Variants in AFF3 observed in about 807,000 individuals in gnomAD.
The protein encoded by AFF3 is ALF transcription elongation factor 3, also known as AF4/FMR2 family member 3.
A neutral mutation model predicts 129.7 loss-of-function variants in AFF3; 32 were observed. The observed-to-expected ratio is 0.25, with a 90% CI of 0.19 to 0.33. The LOEUF (loss-of-function observed/expected upper bound fraction) is 0.33. Among genes scored for constraint, AFF3 ranks in the 10% least tolerant of loss-of-function variants. The pLI is 1.00. For missense variants in AFF3, 1,373 were observed against 1,592.0 expected (o/e 0.86, Z 2.34); for synonymous variants, 644 against 635.4 (o/e 1.01, Z -0.20).
intron 8 of AFF3, among the ~76,000 whole-genome samples, chr2:99,784,889 C>T (rs1055679884): frequency 2.0e-5 from 3 of 152,126 alleles, no homozygotes; most frequent in Non-Finnish European, 2.9e-5. Flanking sequence ...TCATGATAAC[C>T]TGATCAGGAG....
intron 9 of AFF3, among the ~76,000 whole-genome samples, chr2:99,746,649 A>C (rs1025854158): frequency 6.6e-6 from 1 of 152,238 alleles, no homozygotes; most frequent in Admixed American, 6.5e-5. Context: ...AATGGACTAA[A>C]ATATCATCTG....
At chr2:99,585,326 C>A (rs1677989157) in intron 16 of AFF3, among the ~76,000 whole-genome samples, 1 of 152,170 alleles carries the variant, frequency 6.6e-6, no homozygotes. Context: ...AAGAAACTTT[C>A]TTTGGAGCTC....
In AFF3 at chr2:100,105,399, C is replaced by T. The variant is rs1011048912; in HGVS notation, c.-65+105G>A. ...AGCGGCGGCGCGGAGGAAACCTCTT[C>T]CACCCGGACCTGCTCTCCGTTGCGG... On this transcript the variant is annotated intron_variant, in intron 3 of 24. Transcript: ENST00000672756. The T allele has an allele frequency of 1.0e-5, 13 of 1,296,488 alleles. No homozygotes were observed. The African/African-American group carries it at 2.0e-4, about 20-fold the overall frequency. The allele number at this position is 1,296,488 out of a possible 1,614,324, so 80.3% of individuals were successfully genotyped here.
chr2:99,715,217 T>A (rs1678267437), intron 11 of AFF3, among the ~76,000 whole-genome samples: 1 of 152,234 alleles, frequency 6.6e-6, no homozygotes, highest in Non-Finnish European at 1.5e-5. Context: ...CAGCCCTAGC[T>A]TCATGAGATC....
At chr2:99,613,128 G>A (rs901470299) in intron 13 of AFF3, among the ~76,000 whole-genome samples, 3 of 152,138 alleles carry the variant, frequency 2.0e-5, no homozygotes, top group Admixed American at 6.5e-5. Context: ...TAGCTTGCTC[G>A]CATTTTATTT....
intron 4 of AFF3, among the ~76,000 whole-genome samples, chr2:100,010,452 TGCA>T (rs987198074): frequency 6.6e-6 from 1 of 152,232 alleles, no homozygotes; most frequent in African/African-American, 2.4e-5. Flanking sequence ...GCAAGGCTGC[TGCA>T]GCACCTAAGG....
intron 4 of AFF3, among the ~76,000 whole-genome samples, chr2:100,066,170 T>C (rs563373652): frequency 1.3e-5 from 2 of 152,228 alleles, no homozygotes; most frequent in Admixed American, 1.3e-4. Context: ...AGAAACTCTA[T>C]GCAATTTGTT....
intron 11 of AFF3, among the ~76,000 whole-genome samples, chr2:99,712,509 A>G (rs76252191): frequency 0.015 from 2,245 of 152,368 alleles, 26 homozygotes; most frequent in Non-Finnish European, 0.019. Context: ...GGCACAAAGC[A>G]TCTCAGAAGT....
intron 7 of AFF3, among the ~76,000 whole-genome samples, chr2:99,903,159 C>T (rs1289490962): frequency 2.6e-5 from 4 of 152,042 alleles, no homozygotes; most frequent in Non-Finnish European, 2.9e-5. Flanking sequence ...TAGATGCTAC[C>T]AGTATAAGAC....
intron 9 of AFF3, among the ~76,000 whole-genome samples, chr2:99,749,647 A>G (rs1469608035): frequency 1.3e-5 from 2 of 152,150 alleles, no homozygotes; most frequent in South Asian, 2.1e-4. Flanking sequence ...ATTCCCCTGT[A>G]CTCAATGGAA....
intron 4 of AFF3, among the ~76,000 whole-genome samples, chr2:100,076,765 A>C (rs1688621778): frequency 6.6e-6 from 1 of 152,196 alleles, no homozygotes; most frequent in South Asian, 2.1e-4. Flanking sequence ...TAATTATAAA[A>C]ATGATTTAAT....
At chr2:99,754,922 G>A (rs1681963468) in intron 8 of AFF3, among the ~76,000 whole-genome samples, 2 of 152,136 alleles carry the variant, frequency 1.3e-5, no homozygotes, top group Non-Finnish European at 2.9e-5. Context: ...TGAAAGTTAG[G>A]GTATCGGCTC....
At chr2:99,733,901 T>C (rs1166215777) in intron 10 of AFF3, among the ~76,000 whole-genome samples, 3 of 152,238 alleles carry the variant, frequency 2.0e-5, no homozygotes, top group Non-Finnish European at 4.4e-5. Flanking sequence ...ATCTTGGCTA[T>C]TCTTAGCCCT....
chr2:99,750,833 T>G (rs1468271485), intron 9 of AFF3, among the ~76,000 whole-genome samples: 1 of 152,190 alleles, frequency 6.6e-6, no homozygotes, highest in Non-Finnish European at 1.5e-5. Context: ...TCTAACAGTG[T>G]TTGTAATAAT....
chr2:100,048,181 C>T (rs547307071), intron 4 of AFF3, among the ~76,000 whole-genome samples: 2 of 152,230 alleles, frequency 1.3e-5, no homozygotes, highest in South Asian at 2.1e-4. Flanking sequence ...AAGATAATGC[C>T]GTGACAAATA....
chr2:100,025,713 G>A (rs1477566232), intron 4 of AFF3, among the ~76,000 whole-genome samples: 2 of 152,120 alleles, frequency 1.3e-5, no homozygotes, highest in African/African-American at 4.8e-5. Flanking sequence ...ATAGACCAAT[G>A]GAACAGAATA....
At chr2:99,723,463 C>T (rs939772592) in intron 11 of AFF3, among the ~76,000 whole-genome samples, 1 of 152,140 alleles carries the variant, frequency 6.6e-6, no homozygotes, top group Non-Finnish European at 1.5e-5. Context: ...GATGTATAGG[C>T]CTTACTGAAG....
intron 10 of AFF3, among the ~76,000 whole-genome samples, chr2:99,743,023 G>C (rs1680846492): frequency 6.6e-6 from 1 of 152,228 alleles, no homozygotes; most frequent in African/African-American, 2.4e-5. Context: ...GCTGACGTCT[G>C]TATACCACGA....
At chr2:100,128,527 A>G (rs557967962) in intron 2 of AFF3, among the ~76,000 whole-genome samples, 2 of 152,302 alleles carry the variant, frequency 1.3e-5, no homozygotes, top group Admixed American at 1.3e-4. Context: ...ACTTTCCCAG[A>G]GTCTGCCTCT....
Sources: gnomAD v4.1 joint callset for allele counts (sites outside exome capture counted in the v4.1 genomes callset) on GRCh38, gnomAD v4.1.1 for gene constraint, MANE v1.5 for transcripts, NCBI Gene and HGNC (gene_info 2026-07-23, HGNC 2026-07-21) for gene names.